The following TCF3 variants were observed in gnomAD, a reference collection of about 807,000 sequenced individuals.
TCF3 encodes transcription factor E2-alpha.
TCF3 carries 54 observed loss-of-function variants against 72.3 expected under a neutral mutation model. The observed-to-expected ratio is 0.75, with a 90% CI of 0.60 to 0.94. The LOEUF (loss-of-function observed/expected upper bound fraction) is 0.94. Among genes scored for constraint, TCF3 ranks in the 40% least tolerant of loss-of-function variants. The pLI, the probability that TCF3 is intolerant of heterozygous loss-of-function variation, is 0.00. For missense variants in TCF3, 1,078 were observed against 934.4 expected (o/e 1.15, Z -2.00); for synonymous variants, 525 against 412.6 (o/e 1.27, Z -3.30).
In TCF3 at chr19:1,619,187, G is replaced by A. The variant is rs768900873; in HGVS notation, c.1374C>T (p.Leu458=). The change falls in exon 16 of 19, where the codon CTC becomes CTT. Residue 458 remains leucine, a synonymous_variant. Transcript: ENST00000262965. The part of the protein sequence containing the change: ...PEDGLAGSTS[L]MHNHAALPSQ... ...TGGGGAGGGCCGCGTGGTTGTGCAT[G>A]AGGCTGGTGCTGCCTGCGAGGCCGT... The A allele has an allele frequency of 6.2e-7, 1 of 1,600,474 alleles. No individual in the cohort carries two copies. Among genetic ancestry groups the A allele is most frequent in the South Asian group, 1.1e-5 (1 of 91,036 alleles).
intron 7 of TCF3, 74 bp from the exon 8 acceptor site, chr19:1,624,074 G>A (rs929901077): frequency 6.8e-7 from 1 of 1,466,220 alleles, no homozygotes; most frequent in Non-Finnish European, 9.5e-7. Context: ...CTGGAGGAGA[G>A]ACCCTCACAA....
chr19:1,651,872 G>A (rs1372618087), intron 1 of TCF3, among the ~76,000 whole-genome samples: 3 of 147,572 alleles, frequency 2.0e-5, no homozygotes, highest in East Asian at 4.2e-4. Flanking sequence ...ACAAAAGGAC[G>A]TCCCTCCCGC....
rs1401981295 is a variant in TCF3, at chr19:1,632,375, C to A, written c.176G>T (p.Trp59Leu). The change falls in exon 4 of 19, where the codon TGG becomes TTG. Residue 59 changes from tryptophan (W) to leucine (L), a missense_variant. Coordinates refer to ENST00000262965, the MANE Select transcript of TCF3 (RefSeq NM_003200.5). ...GGAGCTGCTCTGGTCGCCGCTGCCC[C>A]AGGAGCCTGAGCTGGGCCGGTCCTC... is the stretch of plus-strand genomic sequence containing the variant. The part of the protein sequence containing the change: ...GLEDRPSSGS[W>L]GSGDQSSSSF... The A allele has an allele frequency of 6.3e-7, 1 of 1,597,364 alleles. No individual in the cohort carries two copies. The highest frequency in any genetic ancestry group is 1.7e-5 in the Admixed American group (1 of 57,982).
intron 9 of TCF3, 21 bp from the exon 10 acceptor site, chr19:1,622,244 G>C: frequency 6.6e-7 from 1 of 1,522,280 alleles, no homozygotes; most frequent in Non-Finnish European, 8.8e-7. Context: ...GAGCTGGTAA[G>C]GTGGGGGCCG....
Position 1,609,488 on chromosome 19 carries a change from A to C in TCF3, c.*2219T>G. 4.4e-5 allele frequency: 8 copies of C among 182,514 alleles called. No individual in the cohort carries two copies. The highest frequency in any genetic ancestry group is 9.1e-5 in the East Asian group (1 of 10,964). 11.3% of individuals were successfully genotyped at this position (182,514 alleles called of 1,614,324 possible). ...CAGATCACACCCCCCACCCCCCATAATTGTGGTTCCCAGGAACTGCTGTTT... is the reference window on the plus strand; with the variant it reads ...CAGATCACACCCCCCACCCCCCATACTTGTGGTTCCCAGGAACTGCTGTTT... On this transcript the variant is annotated 3_prime_UTR_variant, in exon 19 of 19. Coordinates refer to ENST00000262965, the MANE Select transcript of TCF3 (RefSeq NM_003200.5).
At chr19:1,622,257 T>G in intron 9 of TCF3, 34 bp from the exon 10 acceptor site, 1 of 1,512,224 alleles carries the variant, frequency 6.6e-7, no homozygotes, top group Non-Finnish European at 8.9e-7. Flanking sequence ...GGGGGCCGAG[T>G]GGGGAACCCC....
In TCF3 at chr19:1,619,433, C is replaced by A. The variant is rs750937324; in HGVS notation, c.1209G>T (p.Val403=). ...IEDHLDEAIH[V]LRSHAVGTAG... ...CTGTGCCCACGGCGTGGCTGCGGAG[C>A]ACGTGGATGGCCTCGTCCAGGTGGT... The change falls in exon 15 of 19, where the codon GTG becomes GTT. Residue 403 remains valine (V), a synonymous_variant. Coordinates refer to ENST00000262965, the MANE Select transcript of TCF3 (RefSeq NM_003200.5). The A allele has an allele frequency of 1.9e-6, 3 of 1,590,916 alleles. No homozygotes were observed. The highest frequency in any genetic ancestry group is 2.6e-6 in the Non-Finnish European group (3 of 1,175,064).
intron 8 of TCF3, among the ~76,000 whole-genome samples, chr19:1,623,241 C>T (rs1416290057): frequency 1.3e-5 from 2 of 152,078 alleles, no homozygotes; most frequent in South Asian, 2.1e-4. Context: ...CGGCAAATTC[C>T]CTCTCCCTCC....
At position 1,649,365 on chromosome 19, in the gene TCF3, G is replaced by A. The variant is rs147603970; in HGVS notation, c.72+812C>T. On this transcript the variant is annotated intron_variant, in intron 2 of 18. Coordinates refer to ENST00000262965, the MANE Select transcript of TCF3 (RefSeq NM_003200.5). ...AGGGGAGTCCCGTATGGGGCAGGTT[G>A]TGTCTGCCCTGTTCACGGAGGGTGG... 6.2e-3 allele frequency among the ~76,000 whole-genome samples: 944 copies of A among 152,356 alleles called. 9 individuals carry two copies. Among genetic ancestry groups the A allele is most frequent in the African/African-American group, 0.021 (890 of 41,576 alleles).
intron 5 of TCF3, among the ~76,000 whole-genome samples, chr19:1,630,204 G>C (rs1030446082): frequency 6.6e-6 from 1 of 152,284 alleles, no homozygotes; most frequent in Admixed American, 6.5e-5. Context: ...TGGGAGGAAG[G>C]AACAGCCAGT....
At chr19:1,631,927 T>G in intron 5 of TCF3, 111 bp downstream of exon 5, 1 of 1,544,618 alleles carries the variant, frequency 6.5e-7, no homozygotes, top group Non-Finnish European at 8.7e-7. Context: ...GTCCACACCC[T>G]CTGGGTGAAC....
At chr19:1,630,220 A>G (rs1237394957) in intron 5 of TCF3, among the ~76,000 whole-genome samples, 3 of 152,142 alleles carry the variant, frequency 2.0e-5, no homozygotes, top group African/African-American at 7.2e-5. Flanking sequence ...CCAGTGAGGA[A>G]CCAGGCTCCC....
At chr19:1,624,635 C>G (rs1000232187) in intron 7 of TCF3, among the ~76,000 whole-genome samples, 1 of 152,144 alleles carries the variant, frequency 6.6e-6, no homozygotes, top group Non-Finnish European at 1.5e-5. Flanking sequence ...TTTGCAAACT[C>G]GCCTACAGGA....
rs575844431 is a variant in TCF3, at chr19:1,626,175, G to A, written c.367-467C>T. 9.2e-5 allele frequency among the ~76,000 whole-genome samples: 14 copies of A among 152,336 alleles called. No homozygotes were observed. In the East Asian group the frequency reaches 2.5e-3, roughly 27 times the overall value. ...TGCATTTCATCCGTTCTAAGGCCGG[G>A]CACGGTGGCTCACACCTATTATCCC... On this transcript the variant is annotated intron_variant, in intron 6 of 18. Coordinates refer to ENST00000262965, the MANE Select transcript of TCF3 (RefSeq NM_003200.5).
Position 1,610,588 on chromosome 19 carries a change from C to G in TCF3, c.*1119G>C, listed in dbSNP as rs555320454. On this transcript the variant is annotated 3_prime_UTR_variant, in exon 19 of 19. Coordinates refer to ENST00000262965, the MANE Select transcript of TCF3 (RefSeq NM_003200.5). ...GGTCCCCATGCCAGGGGTCACTGGT[C>G]CCAACAAAATGCCCCATTTCAGAGA... The G allele has an allele frequency of 4.3e-6, 1 of 231,688 alleles. No individual in the cohort carries two copies. The highest frequency in any genetic ancestry group is 8.5e-6 in the Non-Finnish European group (1 of 117,236). The allele number at this position is 231,688 out of a possible 1,614,324, so 14.4% of individuals were successfully genotyped here. A position where few individuals can be genotyped will look rare whatever the true frequency, so the allele number is the denominator to read the frequency against.
At position 1,614,917 on chromosome 19, in the gene TCF3, C is replaced by T. The variant is rs1311506936; in HGVS notation, c.1822+368G>A. 6.6e-6 allele frequency among the ~76,000 whole-genome samples: 1 copy of T among 152,134 alleles called. No homozygotes were observed. The highest frequency in any genetic ancestry group is 1.5e-5 in the Non-Finnish European group (1 of 68,014). On this transcript the variant is annotated intron_variant, in intron 18 of 18. Transcript: ENST00000262965. The surrounding 1 kb of genome is among the most constrained non-coding windows in gnomAD (Gnocchi z 5.6). ...AGCTCCTGTCTCTGGGATCGGGGGA[C>T]ACTGGCCTCTGTGAGCTGGGTTCTG... is the stretch of plus-strand genomic sequence containing the variant.
intron 6 of TCF3, among the ~76,000 whole-genome samples, chr19:1,626,138 G>A (rs528599231): frequency 5.9e-5 from 9 of 152,198 alleles, no homozygotes; most frequent in Non-Finnish European, 1.2e-4. Flanking sequence ...GCCGGGTCCC[G>A]GAACTGACTC....
chr19:1,629,535 C>CGAGCCCCCA (rs1367452245), intron 5 of TCF3, among the ~76,000 whole-genome samples: 18 of 152,020 alleles, frequency 1.2e-4, no homozygotes, highest in African/African-American at 4.1e-4. Context: ...CTGGCCAAGG[C>CGAGCCCCCA]GAGCCCCCAG....
rs189948998 is a variant in TCF3 at position 1,637,442 on chromosome 19, G to A, written c.146-5037C>T. 2.4e-3 allele frequency among the ~76,000 whole-genome samples: 362 copies of A among 152,362 alleles called. 3 individuals are homozygous for A. The highest frequency in any genetic ancestry group is 4.8e-4 in the Non-Finnish European group (33 of 68,042). On this transcript the variant is annotated intron_variant, in intron 3 of 18. Transcript: ENST00000262965. ...GGAGGGCAGAGCTGGCCCCGAGAGT[G>A]GGCATCGAGCACAGATGTTAAGTAA...
Sources: gnomAD v4.1 joint callset for allele counts (sites outside exome capture counted in the v4.1 genomes callset) on GRCh38, gnomAD v4.1.1 for gene constraint, Gnocchi (gnomAD v3.1) non-coding constraint, MANE v1.5 for transcripts, NCBI Gene and HGNC (gene_info 2026-07-23, HGNC 2026-07-21) for gene names.